Variants in EHBP1 observed in about 807,000 individuals in gnomAD.
The protein encoded by EHBP1 is EH domain-binding protein 1.
A neutral mutation model predicts 144.0 loss-of-function variants in EHBP1; 55 were observed. The ratio of observed to expected loss-of-function variants is 0.38; its 90% CI spans 0.31 to 0.48. EHBP1 has a LOEUF of 0.48. Among genes scored for constraint, EHBP1 ranks in the 20% least tolerant of loss-of-function variants. The pLI is 0.98. For synonymous variants in EHBP1, 469 were observed against 472.7 expected (o/e 0.99, Z 0.10); for missense variants, 1,200 against 1,364.2 (o/e 0.88, Z 1.90).
At chr2:62,847,292 A>G (rs1199900249) in intron 7 of EHBP1, among the ~76,000 whole-genome samples, 1 of 152,200 alleles carries the variant, frequency 6.6e-6, no homozygotes, top group Non-Finnish European at 1.5e-5. Flanking sequence ...ACCTCTCCAC[A>G]TACATTAATT....
intron 10 of EHBP1, among the ~76,000 whole-genome samples, chr2:62,937,064 A>G (rs1293428566): frequency 6.6e-6 from 1 of 152,202 alleles, no homozygotes; most frequent in East Asian, 1.9e-4. Context: ...TTATTAACAG[A>G]AAGACTCTTG....
At chr2:62,860,536 T>C (rs1049628690) in intron 8 of EHBP1, among the ~76,000 whole-genome samples, 64 of 152,278 alleles carry the variant, frequency 4.2e-4, no homozygotes, top group Admixed American at 3.7e-3. Context: ...GGCAGTCAAC[T>C]ACCTCTTTTC....
At chr2:62,952,431 C>T (rs1046572253) in intron 13 of EHBP1, among the ~76,000 whole-genome samples, 3 of 152,026 alleles carry the variant, frequency 2.0e-5, no homozygotes, top group Non-Finnish European at 4.4e-5. Flanking sequence ...TAATTGACAG[C>T]GTTTGTTCTT....
intron 19 of EHBP1, among the ~76,000 whole-genome samples, chr2:63,019,259 T>TGAA (rs2060601599): frequency 1.3e-5 from 2 of 152,236 alleles, no homozygotes; most frequent in African/African-American, 4.8e-5. Context: ...AAACACAGAG[T>TGAA]GAAGATGTGC....
intron 3 of EHBP1, among the ~76,000 whole-genome samples, chr2:62,756,884 A>G (rs2040340523): frequency 6.6e-6 from 1 of 152,114 alleles, no homozygotes; most frequent in South Asian, 2.1e-4. Flanking sequence ...TTATATTATT[A>G]TAAAAGTTAA....
intron 10 of EHBP1, among the ~76,000 whole-genome samples, chr2:62,880,435 A>C (rs1000252870): frequency 6.6e-6 from 1 of 152,106 alleles, no homozygotes; most frequent in South Asian, 2.1e-4. Flanking sequence ...AAAACAAAAA[A>C]CAAAAACTCT....
chr2:63,035,463 T>G (rs1028634444), intron 19 of EHBP1, among the ~76,000 whole-genome samples: 1 of 152,080 alleles, frequency 6.6e-6, no homozygotes, highest in African/African-American at 2.4e-5. Context: ...TAAGTTTAAC[T>G]GAAAATAACA....
intron 15 of EHBP1, among the ~76,000 whole-genome samples, chr2:62,987,267 A>T (rs2059237713): frequency 6.6e-6 from 1 of 152,182 alleles, no homozygotes; most frequent in Non-Finnish European, 1.5e-5. Context: ...TTTACTAGGG[A>T]TATAAAAAAT....
chr2:62,860,271 C>G (rs1362665629), intron 8 of EHBP1, among the ~76,000 whole-genome samples: 1 of 152,136 alleles, frequency 6.6e-6, no homozygotes, highest in Non-Finnish European at 1.5e-5. Flanking sequence ...TGGCGGATCA[C>G]CTGAGGTCAC....
At chr2:62,871,827 C>T (rs1408167743) in intron 9 of EHBP1, among the ~76,000 whole-genome samples, 2 of 152,174 alleles carry the variant, frequency 1.3e-5, no homozygotes, top group African/African-American at 2.4e-5. Context: ...GTGTCCTTTA[C>T]ACTTAGCAAC....
chr2:62,919,474 G>A (rs758480148), intron 10 of EHBP1, among the ~76,000 whole-genome samples: 8 of 152,158 alleles, frequency 5.3e-5, no homozygotes, highest in Non-Finnish European at 1.0e-4. Flanking sequence ...CTAATCCTCA[G>A]TACAGGAACC....
At chr2:62,685,359 T>C (rs1455250345) in intron 1 of EHBP1, among the ~76,000 whole-genome samples, 2 of 152,142 alleles carry the variant, frequency 1.3e-5, no homozygotes, top group Non-Finnish European at 2.9e-5. Context: ...GGTGTCAGCA[T>C]TGTTGGTTCC....
intron 10 of EHBP1, among the ~76,000 whole-genome samples, chr2:62,905,408 A>G (rs2053715524): frequency 6.6e-6 from 1 of 152,238 alleles, no homozygotes; most frequent in Non-Finnish European, 1.5e-5. Flanking sequence ...TGCAGGATGA[A>G]CTGAGAACTA....
rs933904270 is a variant in EHBP1, at chr2:63,000,952, A to G, written c.3103+4186A>G. On this transcript the variant is annotated intron_variant, in intron 19 of 22. Coordinates refer to ENST00000431489, the MANE Select transcript of EHBP1 (RefSeq NM_001142616.3). ...ATTAGTTAGAAATATCATGTATTCC[A>G]AGCTGACACTTCTTATGTAAGTTTA... is the stretch of plus-strand genomic sequence containing the variant. 2.0e-5 allele frequency among the ~76,000 whole-genome samples: 3 copies of G among 152,186 alleles called. No homozygotes were observed. In the East Asian group the frequency reaches 5.8e-4, roughly 29 times the overall value.
chr2:63,025,808 A>G (rs1270190897), intron 19 of EHBP1, among the ~76,000 whole-genome samples: 1 of 152,182 alleles, frequency 6.6e-6, no homozygotes, highest in Admixed American at 6.5e-5. Flanking sequence ...AATTTTAGAG[A>G]TTCTGGGAGT....
At position 62,818,518 on chromosome 2, in the gene EHBP1, CTT is replaced by C. The variant is rs971124650; in HGVS notation, c.313-7567_313-7566del. ...CCACCTAGAGTTGTGAAAGTACACTCTTTGATGTTCACACAATGATGCATTTC... is the reference window on the plus strand; with the variant it reads ...CCACCTAGAGTTGTGAAAGTACACTCTGATGTTCACACAATGATGCATTTC... On this transcript the variant is annotated intron_variant, in intron 5 of 22. Transcript: ENST00000431489. Among the ~76,000 whole-genome samples the C allele has an allele frequency of 5.3e-5, 8 of 152,156 alleles. No homozygotes were observed. The South Asian group carries it at 1.0e-3, about 20-fold the overall frequency.
chr2:62,723,306 G>A (rs1021704694), intron 2 of EHBP1, among the ~76,000 whole-genome samples: 1 of 151,968 alleles, frequency 6.6e-6, no homozygotes, highest in Non-Finnish European at 1.5e-5. Context: ...TGCAACTTTT[G>A]ATTTTTTTTC....
chr2:62,701,260 T>G (rs1222826900), upstream of EHBP1, among the ~76,000 whole-genome samples: 2 of 152,220 alleles, frequency 1.3e-5, no homozygotes, highest in African/African-American at 4.8e-5. Context: ...AAAATTAATT[T>G]TACTGTCTTT....
At chr2:62,724,348 G>A (rs552416453) in intron 2 of EHBP1, among the ~76,000 whole-genome samples, 1 of 152,214 alleles carries the variant, frequency 6.6e-6, no homozygotes, top group Non-Finnish European at 1.5e-5. Flanking sequence ...TTCTATACTG[G>A]TTATTTTGTC....
Sources: allele counts gnomAD v4.1 joint callset (sites outside exome capture counted in the v4.1 genomes callset), GRCh38; gene constraint gnomAD v4.1.1; transcripts MANE v1.5; gene names NCBI Gene and HGNC (gene_info 2026-07-23, HGNC 2026-07-21).